DNAH10: variants seen among roughly 807,000 people sequenced by gnomAD.
DNAH10 encodes the protein axonemal beta dynein heavy chain 10.
A neutral mutation model predicts 506.6 loss-of-function variants in DNAH10; 348 were observed. That is an observed-to-expected ratio of 0.69 (90% CI 0.63 to 0.75). The LOEUF is 0.75. Ranked by LOEUF, DNAH10 falls within the 30% of genes least tolerant of loss-of-function variation. The pLI, the probability that DNAH10 is intolerant of heterozygous loss-of-function variation, is 0.00. For synonymous variants in DNAH10, 2,059 were observed against 2,198.6 expected (o/e 0.94, Z 1.78); for missense variants, 5,179 against 5,787.1 (o/e 0.89, Z 3.41).
chr12:123,857,242 A>G lies in DNAH10; in HGVS notation c.6625A>G (p.Ile2209Val), dbSNP rs541229676. The G allele has an allele frequency of 1.3e-6, 2 of 1,553,494 alleles. No individual in the cohort carries two copies. Among genetic ancestry groups the G allele is most frequent in the South Asian group, 2.4e-5 (2 of 82,488 alleles). The change falls in exon 37 of 79, where the codon ATC becomes GTC. Residue 2209 changes from isoleucine to valine, a missense_variant. By Grantham distance (29) the Ile-to-Val change is conservative. Coordinates refer to ENST00000673944, the MANE Select transcript of DNAH10 (RefSeq NM_001372106.1). ...GGAGAACGGCTACGCGGTCCTACCC[A>G]TCCAGGTAAAGCCAGGAAAATGACC... ...LEENGYAVLPIQVDKVVQMFE... is the reference protein window; with the variant it reads ...LEENGYAVLPVQVDKVVQMFE...
chr12:123,853,963 G>T lies in DNAH10; in HGVS notation c.6438+611G>T, dbSNP rs1377765532. On this transcript the variant is annotated intron_variant, in intron 36 of 78. Coordinates refer to ENST00000673944, the MANE Select transcript of DNAH10 (RefSeq NM_001372106.1). This position sits in a 1 kb window ranked among gnomAD's most constrained non-coding sequence, Gnocchi z 4.7. The stretch of plus-strand genomic sequence containing the variant: ...ACGCACACACACACACATTTGGGTA[G>T]TAAAAAAAAAACAGCCGTGAGTGCA... Among the ~76,000 whole-genome samples, 1 of 147,548 alleles carries T rather than the reference G, an allele frequency of 6.8e-6. No individual in the cohort carries two copies. Among genetic ancestry groups the T allele is most frequent in the Non-Finnish European group, 1.5e-5 (1 of 67,210 alleles).
At chr12:123,866,295 G>A (rs1951806414) in intron 41 of DNAH10, among the ~76,000 whole-genome samples, 1 of 133,312 alleles carries the variant, frequency 7.5e-6, no homozygotes, top group South Asian at 2.4e-4. Context: ...CCAGGCTGGA[G>A]TGCAGTGGCG....
At chr12:123,809,788 T>C (rs1482272276) in intron 19 of DNAH10, among the ~76,000 whole-genome samples, 1 of 152,164 alleles carries the variant, frequency 6.6e-6, no homozygotes, top group African/African-American at 2.4e-5. Flanking sequence ...GCCGCCATGC[T>C]CTAGCCCCTG....
intron 36 of DNAH10, among the ~76,000 whole-genome samples, 168 bp from the exon 37 acceptor site, chr12:123,856,888 A>T (rs1951414053): frequency 6.6e-6 from 1 of 150,406 alleles, no homozygotes; most frequent in Non-Finnish European, 1.5e-5. Flanking sequence ...TCTGTAATTT[A>T]AAATTATGTA....
At chr12:123,884,277 T>G (rs1317377043) in intron 51 of DNAH10, among the ~76,000 whole-genome samples, 1 of 152,214 alleles carries the variant, frequency 6.6e-6, no homozygotes, top group African/African-American at 2.4e-5. Context: ...TAAGAGGTGT[T>G]CTTTTGCACA....
In DNAH10 at chr12:123,913,560, G is replaced by A. The variant is rs970489518; in HGVS notation, c.10352+245G>A. Reference sequence around the variant, plus strand: ...AAGGAGGCAGTGCAGCTGTGGAGACGGGGGAATCCATACCATTTAGCAGGG... The same window carrying A: ...AAGGAGGCAGTGCAGCTGTGGAGACAGGGGAATCCATACCATTTAGCAGGG... On this transcript the variant is annotated intron_variant, in intron 60 of 78. Coordinates refer to ENST00000673944, the MANE Select transcript of DNAH10 (RefSeq NM_001372106.1). This position sits in a 1 kb window ranked among gnomAD's most constrained non-coding sequence, Gnocchi z 5.1. Among the ~76,000 whole-genome samples the A allele has an allele frequency of 8.5e-5, 13 of 152,170 alleles. No homozygotes were observed. Among genetic ancestry groups the A allele is most frequent in the African/African-American group, 2.4e-4 (10 of 41,418 alleles).
At chr12:123,776,022 A>G (rs1957424444) in intron 5 of DNAH10, among the ~76,000 whole-genome samples, 1 of 152,096 alleles carries the variant, frequency 6.6e-6, no homozygotes, top group Non-Finnish European at 1.5e-5. Context: ...AAACCATCAG[A>G]TCTCATGAGA....
Position 123,879,784 on chromosome 12 carries a change from G to T in DNAH10, c.8617G>T (p.Ala2873Ser). The T allele has an allele frequency of 1.9e-6, 3 of 1,613,986 alleles. No individual in the cohort carries two copies. The highest frequency in any genetic ancestry group is 2.5e-6 in the Non-Finnish European group (3 of 1,179,862). Residue 2873 changes from alanine (A) to serine (S), a missense_variant, in exon 50 of 79, where the codon GCC becomes TCC. Physicochemically the swap from Ala to Ser is moderately conservative, Grantham distance 99 (BLOSUM62 1). Transcript: ENST00000673944. ...IYEDIQDYEA[A>S]KALFQEILEE... is the part of the protein sequence containing the mutation. ...TGAAGACATCCAGGACTACGAGGCGGCCAAGGCTCTGTTCCAGGTGGGGAT... is the reference window on the plus strand; with the variant it reads ...TGAAGACATCCAGGACTACGAGGCGTCCAAGGCTCTGTTCCAGGTGGGGAT...
rs1222531408 is a variant in DNAH10 at position 123,794,076 on chromosome 12, G to A, written c.1950G>A (p.Met650Ile). 9 of 1,281,590 alleles carry A rather than the reference G, an allele frequency of 7.0e-6. No individual in the cohort carries two copies. The highest frequency in any genetic ancestry group is 9.1e-6 in the Non-Finnish European group (9 of 984,532). 79.4% of individuals were successfully genotyped at this position (1,281,590 alleles called of 1,614,324 possible). The stretch of plus-strand genomic sequence containing the variant: ...AGGCTGTTAATCGACAAATGATGAT[G>A]AAATTTAATGATATTCTTGCACAGT... ...SREAVNRQMM[M>I]KFNDILAQYC... The change falls in exon 12 of 79, where the codon ATG becomes ATA. Residue 650 changes from methionine to isoleucine, a missense_variant. Coordinates refer to ENST00000673944, the MANE Select transcript of DNAH10 (RefSeq NM_001372106.1).
intron 5 of DNAH10, among the ~76,000 whole-genome samples, chr12:123,776,730 G>A (rs1303028408): frequency 6.6e-6 from 1 of 152,048 alleles, no homozygotes; most frequent in Non-Finnish European, 1.5e-5. Context: ...AAATCAAGAC[G>A]TGAAGCAGGA....
intron 12 of DNAH10, among the ~76,000 whole-genome samples, chr12:123,794,857 A>G (rs1958215874): frequency 1.3e-5 from 2 of 148,530 alleles, no homozygotes; most frequent in Admixed American, 1.3e-4. Flanking sequence ...AAAAAAAAAA[A>G]AAAATGCTGG....
At chr12:123,896,148 C>CAGAGAG (rs71444923) in intron 54 of DNAH10, among the ~76,000 whole-genome samples, 38 of 95,288 alleles carry the variant, frequency 4.0e-4, no homozygotes, top group African/African-American at 6.7e-4. Context: ...CACACACACA[C>CAGAGAG]AGAGAGAGAG....
chr12:123,887,038 A>T, intron 51 of DNAH10, 104 bp from the exon 52 acceptor site: 1 of 1,388,654 alleles, frequency 7.2e-7, no homozygotes, highest in Non-Finnish European at 9.6e-7. Context: ...GAGCTTGGAC[A>T]GACCCACGCC....
At chr12:123,813,119 T>A (rs1176485744) in intron 19 of DNAH10, 45 bp from the exon 20 acceptor site, 6 of 1,476,470 alleles carry the variant, frequency 4.1e-6, no homozygotes, top group Non-Finnish European at 5.5e-6. Flanking sequence ...GGAGGCAAAA[T>A]AGATACTAAA....
Position 123,896,111 on chromosome 12 carries a change from T to TCACACACACACA in DNAH10, c.9280+1415_9280+1426dup, listed in dbSNP as rs112187635. Among the ~76,000 whole-genome samples, 212 of 48,920 alleles carry TCACACACACACA rather than the reference T, an allele frequency of 4.3e-3. 3 individuals are homozygous for TCACACACACACA. The highest frequency in any genetic ancestry group is 0.015 in the South Asian group (12 of 776). 32.1% of individuals were successfully genotyped at this position (48,920 alleles called of 152,430 possible). A position where few individuals can be genotyped will look rare whatever the true frequency, so the allele number is the denominator to read the frequency against. On this transcript the variant is annotated intron_variant, in intron 54 of 78. Transcript: ENST00000673944. Reference sequence around the variant, plus strand: ...CTGGGAGGCACAGTGAGACTTTATCTCACACACACACACACACACACACAC... The same window carrying TCACACACACACA: ...CTGGGAGGCACAGTGAGACTTTATCTCACACACACACACACACACACACACACACACACACAC...
chr12:123,889,814 G>A (rs1019671805), intron 52 of DNAH10, among the ~76,000 whole-genome samples: 6 of 152,122 alleles, frequency 3.9e-5, no homozygotes, highest in African/African-American at 9.7e-5. Context: ...GGTGTTGGTG[G>A]GGCTGGTTCC....
intron 26 of DNAH10, 122 bp from the exon 27 acceptor site, chr12:123,832,992 A>G: frequency 1.4e-6 from 1 of 704,560 alleles, no homozygotes. Flanking sequence ...ACTTTTCAGG[A>G]AACAGACCCA....
Position 123,803,700 on chromosome 12 carries a change from G to C in DNAH10, c.2654G>C (p.Gly885Ala), listed in dbSNP as rs201161096. 8.1e-6 allele frequency: 13 copies of C among 1,608,074 alleles called. No individual in the cohort carries two copies. In the African/African-American group the frequency reaches 1.6e-4, roughly 20 times the overall value. Reference sequence around the variant, plus strand: ...ATAACTGGTTGCAAACAGGCCATTGGGAAATTTGAGTCTCTCGTCCACCAG... The same window carrying C: ...ATAACTGGTTGCAAACAGGCCATTGCGAAATTTGAGTCTCTCGTCCACCAG... ...DYITGCKQAI[G>A]KFESLVHQIH... Residue 885 changes from glycine (G) to alanine (A), a missense_variant, in exon 17 of 79, where the codon GGG becomes GCG. By Grantham distance (60) the Gly-to-Ala change is moderately conservative (BLOSUM62 0). Transcript: ENST00000673944.
chr12:123,803,452 A>G (rs1406392713), intron 16 of DNAH10, among the ~76,000 whole-genome samples: 1 of 152,062 alleles, frequency 6.6e-6, no homozygotes, highest in African/African-American at 2.4e-5. Flanking sequence ...GAAGAGATGC[A>G]TTGCTTGGTT....
Sources: allele counts gnomAD v4.1 joint callset (sites outside exome capture counted in the v4.1 genomes callset), GRCh38; gene constraint gnomAD v4.1.1; non-coding constraint Gnocchi (gnomAD v3.1); transcripts MANE v1.5; gene names NCBI Gene and HGNC (gene_info 2026-07-23, HGNC 2026-07-21).